ALDH1A2: variants seen among roughly 807,000 people sequenced by gnomAD.
ALDH1A2 encodes the protein aldehyde dehydrogenase 1 family member A2.
ALDH1A2 carries 27 observed loss-of-function variants against 60.3 expected under a neutral mutation model. The observed-to-expected ratio is 0.45, with a 90% confidence interval of 0.33 to 0.62. The LOEUF is 0.62. ALDH1A2 is among the 20% of genes least tolerant of loss of function. ALDH1A2 has a pLI of 0.02. For synonymous variants in ALDH1A2, 289 were observed against 232.4 expected (o/e 1.24, Z -2.21); for missense variants, 581 against 643.8 (o/e 0.90, Z 1.06).
intron 7 of ALDH1A2, among the ~76,000 whole-genome samples, chr15:57,992,380 T>C (rs1439587859): frequency 6.6e-6 from 1 of 152,220 alleles, no homozygotes; most frequent in Non-Finnish European, 1.5e-5. Context: ...TCCATTCTTA[T>C]CCTTACCAGA....
chr15:58,062,120 T>C (rs1420440911), intron 1 of ALDH1A2, among the ~76,000 whole-genome samples: 1 of 152,292 alleles, frequency 6.6e-6, no homozygotes, highest in African/African-American at 2.4e-5. Flanking sequence ...AGTTTTAAGT[T>C]GATTGCCTTT....
chr15:57,966,670 G>T (rs1371934855), intron 7 of ALDH1A2, among the ~76,000 whole-genome samples: 1 of 152,158 alleles, frequency 6.6e-6, no homozygotes, highest in Non-Finnish European at 1.5e-5. Flanking sequence ...TGGTGGCAGG[G>T]TTTGTATAAA....
rs112701692 is a variant in ALDH1A2, at chr15:58,027,610, G to A, written c.118-13329C>T. 5.9e-5 allele frequency among the ~76,000 whole-genome samples: 9 copies of A among 152,220 alleles called. 1 individual carries two copies. Among genetic ancestry groups the A allele is most frequent in the African/African-American group, 2.2e-4 (9 of 41,542 alleles). On this transcript the variant is annotated intron_variant, in intron 1 of 12. Coordinates refer to ENST00000249750, the MANE Select transcript of ALDH1A2 (RefSeq NM_003888.4). ...TAATAACAAACTTCTCTGAGCTAAA[G>A]GAGCATGTTCTAACCCATCACAAGA...
intron 1 of ALDH1A2, among the ~76,000 whole-genome samples, chr15:58,016,022 G>T (rs1244102955): frequency 6.6e-6 from 1 of 152,038 alleles, no homozygotes; most frequent in South Asian, 2.1e-4. Flanking sequence ...CACTTCTTGG[G>T]TATTATCAGG....
intron 1 of ALDH1A2, among the ~76,000 whole-genome samples, chr15:58,035,939 G>C (rs1896366791): frequency 6.6e-6 from 1 of 151,582 alleles, no homozygotes; most frequent in African/African-American, 2.4e-5. Context: ...TTCACCTCTA[G>C]AGTAAACCCA....
chr15:57,993,787 AT>A, intron 5 of ALDH1A2, among the ~76,000 whole-genome samples: 1 of 152,334 alleles, frequency 6.6e-6, no homozygotes, highest in Admixed American at 6.5e-5. Context: ...ATCAGGTGTC[AT>A]TGATAATTTC....
intron 1 of ALDH1A2, among the ~76,000 whole-genome samples, chr15:58,043,624 A>T (rs1429713195): frequency 6.6e-6 from 1 of 152,018 alleles, no homozygotes; most frequent in Non-Finnish European, 1.5e-5. Flanking sequence ...CTACAAAGAC[A>T]TCATTTGAAA....
rs142487654 is a variant in ALDH1A2 at position 58,003,517 on chromosome 15, T to C, written c.493+7132A>G. Among the ~76,000 whole-genome samples the C allele has an allele frequency of 1.4e-4, 21 of 152,042 alleles. No individual in the cohort carries two copies. The East Asian group carries it at 2.9e-3, about 21-fold the overall frequency. Reference sequence around the variant, plus strand: ...GTAGTTTTTAACCTTTTCTATATGCTAACATATCGTAAGTCCATTTTAATA... The same window carrying C: ...GTAGTTTTTAACCTTTTCTATATGCCAACATATCGTAAGTCCATTTTAATA... On this transcript the variant is annotated intron_variant, in intron 4 of 12. Transcript: ENST00000249750.
intron 12 of ALDH1A2, among the ~76,000 whole-genome samples, chr15:57,959,382 C>G (rs1202318645): frequency 6.6e-6 from 1 of 152,146 alleles, no homozygotes; most frequent in Non-Finnish European, 1.5e-5. Flanking sequence ...TCTGTAAAAG[C>G]TGAAGGAATA....
At chr15:58,007,951 A>G (rs1301105365) in intron 4 of ALDH1A2, among the ~76,000 whole-genome samples, 1 of 152,098 alleles carries the variant, frequency 6.6e-6, no homozygotes, top group Admixed American at 6.6e-5. Context: ...ATCTTCCCCT[A>G]TGACTCCCCT....
intron 7 of ALDH1A2, among the ~76,000 whole-genome samples, chr15:57,983,505 A>G (rs1194595315): frequency 2.0e-5 from 3 of 152,230 alleles, no homozygotes; most frequent in African/African-American, 7.2e-5. Context: ...TGGAATTAAG[A>G]TGGAGAATTA....
rs556744495 is a variant in ALDH1A2 at position 57,993,194 on chromosome 15, G to C, written c.556-121C>G. The C allele has an allele frequency of 3.4e-6, 4 of 1,190,098 alleles. No homozygotes were observed. The East Asian group carries it at 1.0e-4, about 30-fold the overall frequency. The allele number at this position is 1,190,098 out of a possible 1,614,324, so 73.7% of individuals were successfully genotyped here. A position where few individuals can be genotyped will look rare whatever the true frequency, so the allele number is the denominator to read the frequency against. On this transcript the variant is annotated intron_variant, in intron 5 of 12. Transcript: ENST00000249750. ...CGACATAAATCTTGTCCACTACAAAGTACAGATGTTTGGATTTTCAATTAC... is the reference window on the plus strand; with the variant it reads ...CGACATAAATCTTGTCCACTACAAACTACAGATGTTTGGATTTTCAATTAC...
chr15:57,970,200 T>G (rs1452987673), intron 7 of ALDH1A2, among the ~76,000 whole-genome samples: 1 of 152,206 alleles, frequency 6.6e-6, no homozygotes, highest in African/African-American at 2.4e-5. Context: ...TGGAAAAACC[T>G]CATCTTTTTT....
At chr15:58,026,392 G>A (rs2642631) in intron 1 of ALDH1A2, among the ~76,000 whole-genome samples, 4,698 of 152,140 alleles carry the variant, frequency 0.031, 259 homozygotes, top group African/African-American at 0.11. Context: ...CACTCCTATC[G>A]GTATGCTTCC....
At chr15:58,023,417 AT>A (rs1347912981) in intron 1 of ALDH1A2, among the ~76,000 whole-genome samples, 1 of 152,230 alleles carries the variant, frequency 6.6e-6, no homozygotes. Flanking sequence ...GCCTAGCAAT[AT>A]TTAACACATG....
At chr15:58,009,224 A>G (rs954794887) in intron 4 of ALDH1A2, among the ~76,000 whole-genome samples, 1 of 151,928 alleles carries the variant, frequency 6.6e-6, no homozygotes, top group African/African-American at 2.4e-5. Context: ...CAGCCACCTA[A>G]CTTGGTTCTG....
chr15:57,962,263 G>GT lies in ALDH1A2; in HGVS notation c.1087-88dup, dbSNP rs1259043203. Reference sequence around the variant, plus strand: ...GTTCTTGAGAATCTTTCATTTTAGGGTTTTTTTCAAAGTTTAACTACACCC... The same window carrying GT: ...GTTCTTGAGAATCTTTCATTTTAGGGTTTTTTTTCAAAGTTTAACTACACCC... On this transcript the variant is annotated intron_variant, in intron 9 of 12. Coordinates refer to ENST00000249750, the MANE Select transcript of ALDH1A2 (RefSeq NM_003888.4). 3.2e-5 allele frequency: 49 copies of GT among 1,522,984 alleles called. No individual in the cohort carries two copies. The Admixed American group carries it at 5.1e-4, about 16-fold the overall frequency. The allele number at this position is 1,522,984 out of a possible 1,614,324, so 94.3% of individuals were successfully genotyped here.
At chr15:57,956,376 A>AGTGTACGAGTTACT (rs1212038190) in intron 12 of ALDH1A2, among the ~76,000 whole-genome samples, 3 of 152,256 alleles carry the variant, frequency 2.0e-5, no homozygotes, top group African/African-American at 7.2e-5. Flanking sequence ...TGAAACAGTC[A>AGTGTACGAGTTACT]GTGTACGAGT....
intron 1 of ALDH1A2, among the ~76,000 whole-genome samples, chr15:58,026,498 T>C (rs1241073119): frequency 6.6e-6 from 1 of 152,184 alleles, no homozygotes; most frequent in African/African-American, 2.4e-5. Flanking sequence ...GGTACCCGGT[T>C]CATTTCACTG....
Sources: allele counts gnomAD v4.1 joint callset (sites outside exome capture counted in the v4.1 genomes callset), GRCh38; gene constraint gnomAD v4.1.1; transcripts MANE v1.5; gene names NCBI Gene and HGNC (gene_info 2026-07-23, HGNC 2026-07-21).